Variants in BTN2A1 observed in about 807,000 individuals in gnomAD.
BTN2A1 encodes the protein butyrophilin, subfamily 2, member A1.
Under a neutral mutation model 34.5 loss-of-function variants are expected in BTN2A1, and 41 were observed. The observed-to-expected ratio is 1.19, with a 90% CI of 0.93 to 1.54. The LOEUF is 1.54. Ranked by LOEUF, BTN2A1 falls within the 40% of genes most tolerant of loss-of-function variation. The pLI, the probability that BTN2A1 is intolerant of heterozygous loss-of-function variation, is 0.00. For missense variants in BTN2A1, 642 were observed against 662.0 expected, an observed-to-expected ratio of 0.97 and a Z score of 0.33; for synonymous variants, 267 against 258.6, an observed-to-expected ratio of 1.03 and a Z score of -0.31.
In BTN2A1 at chr6:26,458,672, A is replaced by G. The variant is rs776590945; in HGVS notation, c.36A>G (p.Pro12=). The change falls in exon 2 of 8, where the codon CCA becomes CCG. Residue 12 remains proline (P), a synonymous_variant. Coordinates refer to ENST00000312541, the MANE Select transcript of BTN2A1 (RefSeq NM_007049.5). ...ESAAALHFSR[P]ASLLLLLLSL... Reference sequence around the variant, plus strand: ...CTGCTGCCCTGCACTTCTCCCGGCCAGCCTCCCTCCTCCTCCTCCTCCTCA... The same window carrying G: ...CTGCTGCCCTGCACTTCTCCCGGCCGGCCTCCCTCCTCCTCCTCCTCCTCA... 9 of 1,613,972 alleles carry G rather than the reference A, an allele frequency of 5.6e-6. No homozygotes were observed. The highest frequency in any genetic ancestry group is 7.6e-6 in the Non-Finnish European group (9 of 1,179,976).
chr6:26,460,438 A>T (rs908794372), intron 3 of BTN2A1, among the ~76,000 whole-genome samples: 4 of 152,236 alleles, frequency 2.6e-5, no homozygotes, highest in Non-Finnish European at 4.4e-5. Flanking sequence ...GACGAAATAC[A>T]GAAGCAAAAT....
Position 26,469,221 on chromosome 6 carries a change from T to C in BTN2A1, c.*672T>C. On this transcript the variant is annotated 3_prime_UTR_variant, in exon 8 of 8. Transcript: ENST00000312541. ...TAGTTTGGCTCAGGTGTCCCTGCAG[T>C]TGGCAAGGAGTCAGTACTCAGTCCC... 9.7e-7 allele frequency: 1 copy of C among 1,032,368 alleles called. No homozygotes were observed. The highest frequency in any genetic ancestry group is 1.7e-5 in the African/African-American group (1 of 58,818). The allele number at this position is 1,032,368 out of a possible 1,614,324, so 64.0% of individuals were successfully genotyped here. A position where few individuals can be genotyped will look rare whatever the true frequency, so the allele number is the denominator to read the frequency against.
At chr6:26,461,786 A>T (rs1056634824) in intron 3 of BTN2A1, among the ~76,000 whole-genome samples, 9 of 35,786 alleles carry the variant, frequency 2.5e-4, no homozygotes, top group Admixed American at 2.2e-3. Flanking sequence ...CTGTCTAAAA[A>T]ATAAATCAAT....
rs1763377344 is a variant in BTN2A1 at position 26,468,301 on chromosome 6, T to A, written c.1336T>A (p.Ser446Thr). ...SPDRILPLKE[S>T]LCRVGVFLDY... Reference sequence around the variant, plus strand: ...TGATAGGATTCTCCCTTTGAAGGAGTCCCTTTGCCGGGTGGGCGTCTTCCT... The same window carrying A: ...TGATAGGATTCTCCCTTTGAAGGAGACCCTTTGCCGGGTGGGCGTCTTCCT... The change falls in exon 8 of 8, where the codon TCC (serine) becomes ACC (threonine). Residue 446 changes from serine to threonine, a missense_variant. Transcript: ENST00000312541. 2 of 1,613,812 alleles carry A rather than the reference T, an allele frequency of 1.2e-6. No individual in the cohort carries two copies. Among genetic ancestry groups the A allele is most frequent in the South Asian group, 1.1e-5 (1 of 91,066 alleles).
intron 2 of BTN2A1, 29 bp from the exon 3 acceptor site, chr6:26,459,452 T>C: frequency 6.2e-7 from 1 of 1,602,558 alleles, no homozygotes. Context: ...GCTGGTGTCT[T>C]TGTCTGACTC....
At chr6:26,471,840 A>G (rs1468954823), downstream of BTN2A1, among the ~76,000 whole-genome samples, 2 of 152,226 alleles carry the variant, frequency 1.3e-5, no homozygotes, top group Non-Finnish European at 2.9e-5. Flanking sequence ...GATGCAGAGT[A>G]GTCCATTGAA....
chr6:26,467,650 T>C (rs1763350680), intron 7 of BTN2A1: 1 of 1,470,130 alleles, frequency 6.8e-7, no homozygotes, highest in Non-Finnish European at 9.2e-7. Context: ...GAACACATCT[T>C]AGAATGCTGA....
downstream of BTN2A1, among the ~76,000 whole-genome samples, chr6:26,470,760 T>C (rs559285791): frequency 2.7e-4 from 41 of 152,322 alleles, no homozygotes; most frequent in African/African-American, 9.6e-4. Flanking sequence ...TTGGGACTTA[T>C]ACCAGTGGCC....
Position 26,469,206 on chromosome 6 carries a change from C to T in BTN2A1, c.*657C>T. 9.6e-7 allele frequency: 1 copy of T among 1,037,374 alleles called. No homozygotes were observed. Among genetic ancestry groups the T allele is most frequent in the Non-Finnish European group, 1.2e-6 (1 of 860,832 alleles). The allele number at this position is 1,037,374 out of a possible 1,614,324, so 64.3% of individuals were successfully genotyped here. On this transcript the variant is annotated 3_prime_UTR_variant, in exon 8 of 8. Transcript: ENST00000312541. The stretch of plus-strand genomic sequence containing the variant: ...GGATGCACGTGGATGTAGTTTGGCT[C>T]AGGTGTCCCTGCAGTTGGCAAGGAG...
At chr6:26,460,150 G>T (rs570255110) in intron 3 of BTN2A1, among the ~76,000 whole-genome samples, 255 of 149,558 alleles carry the variant, frequency 1.7e-3, no homozygotes, top group African/African-American at 5.5e-3. Context: ...CTTCTTTTGG[G>T]TTTTTTTTTT....
At position 26,468,849 on chromosome 6, in the gene BTN2A1, C is replaced by A; in HGVS notation, c.*300C>A. 1 of 1,493,032 alleles carries A rather than the reference C, an allele frequency of 6.7e-7. No individual in the cohort carries two copies. Among genetic ancestry groups the A allele is most frequent in the Non-Finnish European group, 9.0e-7 (1 of 1,111,582 alleles). The allele number at this position is 1,493,032 out of a possible 1,614,324, so 92.5% of individuals were successfully genotyped here. A position where few individuals can be genotyped will look rare whatever the true frequency, so the allele number is the denominator to read the frequency against. ...GAGAAGTTGATGGGCAGCAAACCTG[C>A]TGTTTAACATCAGGGTGACCACATT... On this transcript the variant is annotated 3_prime_UTR_variant, in exon 8 of 8. Coordinates refer to ENST00000312541, the MANE Select transcript of BTN2A1 (RefSeq NM_007049.5).
chr6:26,468,166 G>C lies in BTN2A1; in HGVS notation c.1201G>C (p.Gly401Arg), dbSNP rs768725941. 5.9e-5 allele frequency: 96 copies of C among 1,614,052 alleles called. No homozygotes were observed. The highest frequency in any genetic ancestry group is 7.9e-5 in the Non-Finnish European group (93 of 1,180,038). The change falls in exon 8 of 8, where the codon GGG (glycine) becomes CGG (arginine). Residue 401 changes from glycine (G) to arginine (R), a missense_variant. Physicochemically the swap from Gly to Arg is moderately radical, Grantham distance 125 (BLOSUM62 -2). Coordinates refer to ENST00000312541, the MANE Select transcript of BTN2A1 (RefSeq NM_007049.5). ...EVENVIEWTV[G>R]VCRDSVERKG... ...GGAAAACGTGATTGAGTGGACTGTG[G>C]GGGTCTGTAGAGACAGTGTTGAGAG...
In BTN2A1 at chr6:26,468,984, G is replaced by A. The variant is rs567102746; in HGVS notation, c.*435G>A. The A allele has an allele frequency of 1.7e-6, 2 of 1,199,114 alleles. No individual in the cohort carries two copies. The highest frequency in any genetic ancestry group is 2.1e-6 in the Non-Finnish European group (2 of 949,852). 74.3% of individuals were successfully genotyped at this position (1,199,114 alleles called of 1,614,324 possible). On this transcript the variant is annotated 3_prime_UTR_variant, in exon 8 of 8. Transcript: ENST00000312541. ...ATCCACAGGACCACCAGAGAGGAGA[G>A]GGAACCAGATATGCAGATCAGAGAT...
intron 3 of BTN2A1, among the ~76,000 whole-genome samples, chr6:26,461,984 G>A (rs1056206042): frequency 6.6e-6 from 1 of 150,860 alleles, no homozygotes; most frequent in South Asian, 2.1e-4. Flanking sequence ...TCATGCTTCT[G>A]CATTCCAGCC....
At chr6:26,466,131 A>G (rs755473040) in intron 7 of BTN2A1, 43 bp downstream of exon 7, 23 of 1,612,640 alleles carry the variant, frequency 1.4e-5, no homozygotes, top group Admixed American at 5.0e-5. Flanking sequence ...CTTTCTCCAC[A>G]CTAGCCAGCT....
downstream of BTN2A1, among the ~76,000 whole-genome samples, chr6:26,472,687 G>A (rs1763471915): frequency 6.6e-6 from 1 of 152,160 alleles, no homozygotes; most frequent in Non-Finnish European, 1.5e-5. Context: ...GCTCACCTGT[G>A]TTATAGCTTA....
Position 26,469,298 on chromosome 6 carries a change from G to A in BTN2A1, c.*749G>A, listed in dbSNP as rs988340449. 6 of 990,548 alleles carry A rather than the reference G, an allele frequency of 6.1e-6. No individual in the cohort carries two copies. The highest frequency in any genetic ancestry group is 5.1e-4 in the Middle Eastern group (1 of 1,942). 61.4% of individuals were successfully genotyped at this position (990,548 alleles called of 1,614,324 possible). A position where few individuals can be genotyped will look rare whatever the true frequency, so the allele number is the denominator to read the frequency against. On this transcript the variant is annotated 3_prime_UTR_variant, in exon 8 of 8. Transcript: ENST00000312541. Reference sequence around the variant, plus strand: ...GGCTGAGCCAAGGAGTAATGGACCAGATCTACCTCAGTATTCAAGTTCAGT... The same window carrying A: ...GGCTGAGCCAAGGAGTAATGGACCAAATCTACCTCAGTATTCAAGTTCAGT...
intron 7 of BTN2A1, chr6:26,476,101 A>G (rs753201575): frequency 6.5e-7 from 1 of 1,533,654 alleles, no homozygotes; most frequent in South Asian, 1.2e-5. Flanking sequence ...CCCTTCTCCT[A>G]TGTCTCCTTT....
At chr6:26,463,129 T>A (rs1310127961) in intron 3 of BTN2A1, 115 bp from the exon 4 acceptor site, 1 of 1,279,600 alleles carries the variant, frequency 7.8e-7, no homozygotes, top group African/African-American at 1.5e-5. Flanking sequence ...TATTTCTTGT[T>A]TCCTATCTCC....
Sources: gnomAD v4.1 joint callset for allele counts (sites outside exome capture counted in the v4.1 genomes callset) on GRCh38, gnomAD v4.1.1 for gene constraint, MANE v1.5 for transcripts, NCBI Gene and HGNC (gene_info 2026-07-23, HGNC 2026-07-21) for gene names.